RAD21L1: variants seen among roughly 807,000 people sequenced by gnomAD.
The protein encoded by RAD21L1 is double-strand-break repair protein rad21-like protein 1.
In RAD21L1, 47 loss-of-function variants were observed where a neutral mutation model predicts 69.0. That is an observed-to-expected ratio of 0.68 (90% confidence interval 0.54 to 0.87). RAD21L1 has a LOEUF of 0.87. Among genes scored for constraint, RAD21L1 ranks in the 40% least tolerant of loss-of-function variants. The probability of loss-of-function intolerance (pLI) is 0.00; values close to 1 mark genes in which losing one functional copy is unlikely to be tolerated. For missense variants in RAD21L1, 583 were observed against 647.6 expected (o/e 0.90, Z 1.08); for synonymous variants, 177 against 205.8 (o/e 0.86, Z 1.20).
At chr20:1,230,434 A>G (rs1252870187) in intron 3 of RAD21L1, 6 of 471,368 alleles carry the variant, frequency 1.3e-5, no homozygotes, top group Non-Finnish European at 1.7e-5. Context: ...TGACATATCA[A>G]AAATTCCTAA....
rs939480577 is a variant in RAD21L1 at position 1,255,312 on chromosome 20, A to G, written c.*855A>G. Among the ~76,000 whole-genome samples the G allele has an allele frequency of 1.3e-5, 2 of 152,194 alleles. No homozygotes were observed. Among genetic ancestry groups the G allele is most frequent in the Admixed American group, 1.3e-4 (2 of 15,274 alleles). ...GCTACGGTCTGAGTAAAGATCACCA[A>G]AATAAATGTTCTTTTGTTTGGTGTT... On this transcript the variant is annotated 3_prime_UTR_variant, in exon 14 of 14. Coordinates refer to ENST00000683101, the MANE Select transcript of RAD21L1 (RefSeq NM_001384355.1).
At chr20:1,250,378 T>C (rs2087804512) in intron 13 of RAD21L1, among the ~76,000 whole-genome samples, 1 of 152,082 alleles carries the variant, frequency 6.6e-6, no homozygotes, top group South Asian at 2.1e-4. Flanking sequence ...AGATTAGGTA[T>C]AGCTCCTAAT....
At chr20:1,248,009 T>C (rs967954157) in intron 12 of RAD21L1, among the ~76,000 whole-genome samples, 1 of 143,634 alleles carries the variant, frequency 7.0e-6, no homozygotes, top group Non-Finnish European at 1.5e-5. Flanking sequence ...TTTTTAAATA[T>C]TGAGGTATTT....
At chr20:1,232,822 C>T (rs757015521) in intron 4 of RAD21L1, among the ~76,000 whole-genome samples, 1 of 152,054 alleles carries the variant, frequency 6.6e-6, no homozygotes, top group Non-Finnish European at 1.5e-5. Context: ...CCAGAATGAC[C>T]TTTTAGGAAC....
intron 11 of RAD21L1, 22 bp downstream of exon 11, chr20:1,244,192 G>T: frequency 6.8e-7 from 1 of 1,480,622 alleles, no homozygotes; most frequent in Middle Eastern, 1.7e-4. Context: ...AGAGAGAATC[G>T]TAAAAATATT....
chr20:1,237,822 G>T (rs17717152), intron 5 of RAD21L1, among the ~76,000 whole-genome samples: 7,718 of 152,072 alleles, frequency 0.051, 246 homozygotes, highest in South Asian at 0.095. Context: ...TAATATGTTG[G>T]CATTTTTTCC....
intron 2 of RAD21L1, among the ~76,000 whole-genome samples, chr20:1,229,107 A>G (rs1296581444): frequency 2.0e-5 from 3 of 152,346 alleles, no homozygotes; most frequent in South Asian, 4.1e-4. Context: ...TTGAAAGCCT[A>G]TGGTGTGTTA....
Position 1,254,407 on chromosome 20 carries a change from C to G in RAD21L1, c.1618C>G (p.Pro540Ala). 6.5e-7 allele frequency: 1 copy of G among 1,549,198 alleles called. No individual in the cohort carries two copies. The highest frequency in any genetic ancestry group is 1.2e-5 in the South Asian group (1 of 83,604). ...QLAIELSQSAPYADIIATMGP... is the reference protein window; with the variant it reads ...QLAIELSQSAAYADIIATMGP... Reference sequence around the variant, plus strand: ...GGCTATTGAGCTGAGCCAGAGTGCTCCCTATGCAGATATTATAGCTACGAT... The same window carrying G: ...GGCTATTGAGCTGAGCCAGAGTGCTGCCTATGCAGATATTATAGCTACGAT... The change falls in exon 14 of 14, where the codon CCC (proline) becomes GCC (alanine). Residue 540 changes from proline to alanine, a missense_variant. Physicochemically the swap from Pro to Ala is conservative, Grantham distance 27. Coordinates refer to ENST00000683101, the MANE Select transcript of RAD21L1 (RefSeq NM_001384355.1).
intron 4 of RAD21L1, among the ~76,000 whole-genome samples, chr20:1,233,498 T>C (rs1350862086): frequency 6.6e-6 from 1 of 152,206 alleles, no homozygotes; most frequent in Non-Finnish European, 1.5e-5. Flanking sequence ...TTTGGGCTGC[T>C]GTAACAAAAT....
chr20:1,235,264 G>T (rs1057284739), intron 5 of RAD21L1, among the ~76,000 whole-genome samples: 1 of 152,154 alleles, frequency 6.6e-6, no homozygotes, highest in Admixed American at 6.5e-5. Flanking sequence ...TGTCTATCTT[G>T]GTCGGGGAGG....
chr20:1,237,945 G>T, intron 5 of RAD21L1, 99 bp from the exon 6 acceptor site: 1 of 577,394 alleles, frequency 1.7e-6, no homozygotes, highest in Non-Finnish European at 2.8e-6. Flanking sequence ...AAAATGAGGT[G>T]TTGGATGACA....
At chr20:1,244,922 G>GT (rs2087689630) in intron 11 of RAD21L1, among the ~76,000 whole-genome samples, 1 of 152,132 alleles carries the variant, frequency 6.6e-6, no homozygotes, top group African/African-American at 2.4e-5. Context: ...CAAACAGAAT[G>GT]TATTTTACTA....
chr20:1,227,030 C>T (rs2122750076), intron 1 of RAD21L1, among the ~76,000 whole-genome samples: 1 of 152,322 alleles, frequency 6.6e-6, no homozygotes, highest in African/African-American at 2.4e-5. Flanking sequence ...CTGCCTCAGC[C>T]TCCCAAGTAG....
rs61998204 is a variant in RAD21L1 at position 1,248,678 on chromosome 20, T to C, written c.1454T>C (p.Ile485Thr). 1.2e-4 allele frequency: 191 copies of C among 1,532,498 alleles called. No homozygotes were observed. The African/African-American group carries it at 2.4e-3, about 19-fold the overall frequency. The allele number at this position is 1,532,498 out of a possible 1,614,324, so 94.9% of individuals were successfully genotyped here. The change falls in exon 13 of 14, where the codon ATA becomes ACA. Residue 485 changes from isoleucine to threonine, a missense_variant. Physicochemically the swap from Ile to Thr is moderately conservative, Grantham distance 89. Coordinates refer to ENST00000683101, the MANE Select transcript of RAD21L1 (RefSeq NM_001384355.1). ...GAGACAGAGAGATGGAATGGAAGAA[T>C]ACTTCAGATGTTAAATCGTTTACGG... is the stretch of plus-strand genomic sequence containing the variant. ...NIETERWNGR[I>T]LQMLNRLRES...
At position 1,242,697 on chromosome 20, in the gene RAD21L1, A is replaced by G; in HGVS notation, c.935A>G (p.His312Arg). ...PIKELSSKVI[H>R]KQLTSFADTL... ...AAGGAGCTCAGTAGCAAAGTTATAC[A>G]TAAACAGCTTACTTCCTTTGCGGAC... Residue 312 changes from histidine (H) to arginine (R), a missense_variant, in exon 9 of 14, where the codon CAT becomes CGT. Transcript: ENST00000683101. 1.3e-6 allele frequency: 2 copies of G among 1,551,706 alleles called. No homozygotes were observed. The highest frequency in any genetic ancestry group is 1.7e-6 in the Non-Finnish European group (2 of 1,146,946).
chr20:1,240,262 C>T (rs1195426739), intron 7 of RAD21L1, 59 bp from the exon 8 acceptor site: 42 of 1,487,958 alleles, frequency 2.8e-5, no homozygotes, highest in Non-Finnish European at 3.7e-5. Flanking sequence ...TCATACAGTC[C>T]TCTAGCCTGC....
intron 13 of RAD21L1, among the ~76,000 whole-genome samples, chr20:1,252,654 G>A (rs62187483): frequency 0.13 from 17,324 of 137,144 alleles, 1,566 homozygotes; most frequent in East Asian, 0.51. Context: ...TGTGAGTAGC[G>A]GTCTCCGCTA....
chr20:1,245,530 A>G (rs2087701588), intron 11 of RAD21L1, among the ~76,000 whole-genome samples: 1 of 152,200 alleles, frequency 6.6e-6, no homozygotes, highest in African/African-American at 2.4e-5. Context: ...CCCTTAATCA[A>G]GATTGAGGAG....
chr20:1,253,594 G>A (rs528056703), intron 13 of RAD21L1, among the ~76,000 whole-genome samples: 3 of 152,264 alleles, frequency 2.0e-5, no homozygotes, highest in Admixed American at 1.3e-4. Flanking sequence ...ACCACGCCTG[G>A]CCGCACTGCA....
Sources: allele counts gnomAD v4.1 joint callset (sites outside exome capture counted in the v4.1 genomes callset), GRCh38; gene constraint gnomAD v4.1.1; transcripts MANE v1.5; gene names NCBI Gene and HGNC (gene_info 2026-07-23, HGNC 2026-07-21).